Variants in RAB3C observed in about 807,000 individuals in gnomAD.
RAB3C encodes the protein ras-related protein Rab-3C.
RAB3C carries 17 observed loss-of-function variants against 26.4 expected under a neutral mutation model. The ratio of observed to expected loss-of-function variants is 0.64; its 90% CI spans 0.44 to 0.97. The LOEUF (loss-of-function observed/expected upper bound fraction) is 0.97, where lower values mean the gene tolerates loss of function less well. Ranked by LOEUF, RAB3C falls within the 50% of genes least tolerant of loss-of-function variation. The pLI is 0.00. For synonymous variants in RAB3C, 91 were observed against 95.9 expected (o/e 0.95, Z 0.30); for missense variants, 242 against 281.9 (o/e 0.86, Z 1.01).
At chr5:58,813,717 A>ACCTCTGGACTTAAAGAAGGGACCAGTAAG in intron 3 of RAB3C, among the ~76,000 whole-genome samples, 1 of 151,690 alleles carries the variant, frequency 6.6e-6, no homozygotes, top group African/African-American at 2.4e-5. Context: ...GATATTATTT[A>ACCTCTGGACTTAAAGAAGGGACCAGTAAG]ATTCTGGACT....
intron 1 of RAB3C, among the ~76,000 whole-genome samples, chr5:58,585,323 G>A (rs1361814896): frequency 2.0e-5 from 3 of 151,826 alleles, no homozygotes; most frequent in Admixed American, 6.6e-5. Flanking sequence ...TTTCAGCACC[G>A]ATATTTCTGA....
intron 3 of RAB3C, among the ~76,000 whole-genome samples, chr5:58,793,050 T>C (rs920308290): frequency 1.3e-5 from 2 of 152,130 alleles, no homozygotes; most frequent in African/African-American, 4.8e-5. Context: ...TTCTTATTGC[T>C]TGTACCTGAG....
chr5:58,724,757 G>C lies in RAB3C; in HGVS notation c.253-1245G>C, dbSNP rs552685858. Among the ~76,000 whole-genome samples, 61 of 151,304 alleles carry C rather than the reference G, an allele frequency of 4.0e-4. 1 individual carries two copies. Among genetic ancestry groups the C allele is most frequent in the African/African-American group, 1.5e-3 (60 of 41,366 alleles). On this transcript the variant is annotated intron_variant, in intron 2 of 4. Coordinates refer to ENST00000282878, the MANE Select transcript of RAB3C (RefSeq NM_138453.4). ...TAGGACATAAAAGTGGTTTAAAAGAGGTAGCAACTTATCCTAGATCACAAA... is the reference window on the plus strand; with the variant it reads ...TAGGACATAAAAGTGGTTTAAAAGACGTAGCAACTTATCCTAGATCACAAA...
chr5:58,600,046 C>G (rs576591354), intron 1 of RAB3C, among the ~76,000 whole-genome samples: 1 of 152,204 alleles, frequency 6.6e-6, no homozygotes, highest in African/African-American at 2.4e-5. Context: ...GATGAGGATC[C>G]AGTTTCATTC....
At chr5:58,848,671 T>A (rs962498942) in intron 4 of RAB3C, 3 of 152,242 alleles carry the variant, frequency 2.0e-5, no homozygotes, top group Non-Finnish European at 4.4e-5. Context: ...TTGCTATTGT[T>A]GTTATCATAG....
chr5:58,591,832 C>T (rs1487076618), intron 1 of RAB3C, among the ~76,000 whole-genome samples: 5 of 144,102 alleles, frequency 3.5e-5, no homozygotes, highest in African/African-American at 7.7e-5. Flanking sequence ...TTTTTATATT[C>T]TTTTTTGCTT....
chr5:58,670,316 T>A lies in RAB3C; in HGVS notation c.252+52446T>A, dbSNP rs190422320. Among the ~76,000 whole-genome samples the A allele has an allele frequency of 1.1e-3, 166 of 146,680 alleles. 1 individual carries two copies. The highest frequency in any genetic ancestry group is 3.8e-3 in the African/African-American group (154 of 40,244). ...AATAAAGACGGTCTCCAAAGGATAG[T>A]TTTTTTTTTTAATTTAAGCTTTGGC... On this transcript the variant is annotated intron_variant, in intron 2 of 4. Transcript: ENST00000282878.
In RAB3C at chr5:58,617,609, ATTTTGTTTTTGTTTTG is replaced by A; in HGVS notation, c.25-23_25-8del. ...TCAAATGAGAGTCTGATCTACACCT[ATTTTGTTTTTGTTTTG>A]TTTTGTTTTTATCACAGATGGCCTC... On this transcript the variant is annotated intron_variant, in intron 1 of 4. Transcript: ENST00000282878. 1.3e-6 allele frequency: 2 copies of A among 1,488,780 alleles called. No individual in the cohort carries two copies. The highest frequency in any genetic ancestry group is 2.3e-5 in the South Asian group (2 of 88,532). 92.2% of individuals were successfully genotyped at this position (1,488,780 alleles called of 1,614,324 possible).
At chr5:58,680,468 C>T (rs922576119) in intron 2 of RAB3C, among the ~76,000 whole-genome samples, 1 of 152,158 alleles carries the variant, frequency 6.6e-6, no homozygotes, top group Admixed American at 6.5e-5. Flanking sequence ...TTAGGAAAAA[C>T]ATTTAGTTAT....
At chr5:58,633,518 A>C (rs1178823423) in intron 2 of RAB3C, among the ~76,000 whole-genome samples, 1 of 152,246 alleles carries the variant, frequency 6.6e-6, no homozygotes, top group Non-Finnish European at 1.5e-5. Context: ...TAATATGGAC[A>C]TTCTCTCCAG....
At chr5:58,758,147 T>C (rs1741716116) in intron 3 of RAB3C, among the ~76,000 whole-genome samples, 2 of 152,080 alleles carry the variant, frequency 1.3e-5, no homozygotes, top group East Asian at 1.9e-4. Context: ...GGTTTCACTG[T>C]GTTAGTCAGG....
intron 4 of RAB3C, among the ~76,000 whole-genome samples, chr5:58,836,605 A>T (rs1045667862): frequency 6.6e-5 from 10 of 152,072 alleles, no homozygotes; most frequent in African/African-American, 2.4e-4. Flanking sequence ...AACTTTTTTT[A>T]GCTTCCCCAT....
intron 2 of RAB3C, among the ~76,000 whole-genome samples, chr5:58,637,115 CT>C: frequency 2.5e-5 from 1 of 40,700 alleles, no homozygotes; most frequent in African/African-American, 1.1e-4. Flanking sequence ...TTTTTTTTTA[CT>C]ATTCAGTTTG....
intron 3 of RAB3C, among the ~76,000 whole-genome samples, chr5:58,790,341 G>A (rs1742494092): frequency 6.6e-6 from 1 of 152,142 alleles, no homozygotes; most frequent in Non-Finnish European, 1.5e-5. Flanking sequence ...GCATCTGTGG[G>A]ATTTCAAAAG....
At chr5:58,732,895 C>T (rs1278467612) in intron 3 of RAB3C, among the ~76,000 whole-genome samples, 7 of 152,118 alleles carry the variant, frequency 4.6e-5, no homozygotes, top group Non-Finnish European at 2.9e-5. Flanking sequence ...TCTCTCTTCC[C>T]CTGGGCTCTG....
At chr5:58,717,059 G>C (rs559611804) in intron 2 of RAB3C, among the ~76,000 whole-genome samples, 1 of 152,158 alleles carries the variant, frequency 6.6e-6, no homozygotes, top group Non-Finnish European at 1.5e-5. Flanking sequence ...ATGCATGTGT[G>C]GGGCTAGGGT....
chr5:58,722,160 T>C (rs904224878), intron 2 of RAB3C, among the ~76,000 whole-genome samples: 1 of 151,954 alleles, frequency 6.6e-6, no homozygotes, highest in South Asian at 2.1e-4. Context: ...TAACATCTTA[T>C]GAAAATGGGA....
intron 2 of RAB3C, among the ~76,000 whole-genome samples, chr5:58,666,129 G>A (rs1747997513): frequency 1.3e-5 from 2 of 152,150 alleles, no homozygotes; most frequent in South Asian, 2.1e-4. Context: ...ACACACAGGG[G>A]TAAGAGGATG....
intron 3 of RAB3C, among the ~76,000 whole-genome samples, chr5:58,759,794 G>A (rs1421099873): frequency 1.3e-5 from 2 of 152,106 alleles, no homozygotes; most frequent in African/African-American, 4.8e-5. Context: ...GGTTGACTTG[G>A]CTTTGGTTCA....
Sources: gnomAD v4.1 joint callset for allele counts (sites outside exome capture counted in the v4.1 genomes callset) on GRCh38, gnomAD v4.1.1 for gene constraint, MANE v1.5 for transcripts, NCBI Gene and HGNC (gene_info 2026-07-23, HGNC 2026-07-21) for gene names.